PTPRD: variants seen among roughly 807,000 people sequenced by gnomAD.
The protein encoded by PTPRD is protein tyrosine phosphatase receptor type D.
A neutral mutation model predicts 214.5 loss-of-function variants in PTPRD; 34 were observed. That is an observed-to-expected ratio of 0.16 (90% CI 0.12 to 0.21). The LOEUF is 0.21. PTPRD is among the 10% of genes least tolerant of loss of function. The pLI is 1.00. For missense variants in PTPRD, 2,545 were observed against 2,398.7 expected, an observed-to-expected ratio of 1.06 and a Z score of -1.27; for synonymous variants, 1,128 against 845.7, an observed-to-expected ratio of 1.33 and a Z score of -5.79.
At chr9:10,265,756 G>C (rs919189539) in intron 3 of PTPRD, among the ~76,000 whole-genome samples, 14 of 152,188 alleles carry the variant, frequency 9.2e-5, no homozygotes, top group Non-Finnish European at 1.6e-4. Flanking sequence ...GCAACAGTTT[G>C]CTGACACTTG....
chr9:8,929,465 G>C (rs1230321464), intron 11 of PTPRD, among the ~76,000 whole-genome samples: 2 of 151,874 alleles, frequency 1.3e-5, no homozygotes, highest in Non-Finnish European at 2.9e-5. Context: ...TTTGGTCATT[G>C]GCTCTGTTTA....
At chr9:8,569,125 G>A (rs1040940436) in intron 14 of PTPRD, among the ~76,000 whole-genome samples, 4 of 152,032 alleles carry the variant, frequency 2.6e-5, no homozygotes, top group African/African-American at 4.8e-5. Context: ...AGCCTAGGGA[G>A]TTCATTTTAA....
intron 26 of PTPRD, among the ~76,000 whole-genome samples, chr9:8,496,211 A>ACAAAC (rs1554641959): frequency 1.3e-4 from 12 of 91,448 alleles, no homozygotes; most frequent in South Asian, 3.9e-4. Flanking sequence ...CACACACACA[A>ACAAAC]ACACACACAC....
intron 11 of PTPRD, among the ~76,000 whole-genome samples, chr9:8,791,331 T>C (rs995584438): frequency 2.5e-4 from 38 of 152,026 alleles, no homozygotes; most frequent in African/African-American, 9.2e-4. Flanking sequence ...GTTCAAGTGA[T>C]TCTCCTGCCT....
In PTPRD at chr9:9,196,678, G is replaced by T. The variant is rs144100919; in HGVS notation, c.-202-13315C>A. ...TGTTGTGAATATTACGTGAAATCAT[G>T]CATGCAAAACATCTAGCATATTTCC... On this transcript the variant is annotated intron_variant, in intron 9 of 45. Coordinates refer to ENST00000381196, the MANE Select transcript of PTPRD (RefSeq NM_002839.4). Among the ~76,000 whole-genome samples, 298 of 152,218 alleles carry T rather than the reference G, an allele frequency of 2.0e-3. 2 individuals carry two copies. Among genetic ancestry groups the T allele is most frequent in the African/African-American group, 6.6e-3 (274 of 41,542 alleles).
chr9:8,861,076 C>CTA (rs1046507620), intron 11 of PTPRD: 17 of 152,184 alleles, frequency 1.1e-4, no homozygotes, highest in African/African-American at 3.9e-4. Flanking sequence ...AGGAGCTTTG[C>CTA]TATAGCACTA....
intron 11 of PTPRD, among the ~76,000 whole-genome samples, chr9:8,784,509 G>C (rs2095860303): frequency 6.6e-6 from 1 of 152,178 alleles, no homozygotes; most frequent in South Asian, 2.1e-4. Flanking sequence ...GAACCTGAAA[G>C]ACAAGGCTAC....
At chr9:10,245,145 A>T (rs2091869426) in intron 3 of PTPRD, among the ~76,000 whole-genome samples, 1 of 152,132 alleles carries the variant, frequency 6.6e-6, no homozygotes, top group African/African-American at 2.4e-5. Context: ...AATGAAATTA[A>T]ATTTCATCAT....
chr9:8,527,040 CAT>C (rs372096310), intron 16 of PTPRD, among the ~76,000 whole-genome samples: 2 of 150,656 alleles, frequency 1.3e-5, no homozygotes, highest in African/African-American at 2.4e-5. Context: ...TATAGATATG[CAT>C]ATATATATAT....
chr9:9,090,162 C>A (rs1420395955), intron 10 of PTPRD, among the ~76,000 whole-genome samples: 1 of 152,044 alleles, frequency 6.6e-6, no homozygotes, highest in Non-Finnish European at 1.5e-5. Context: ...ACTGGAATTC[C>A]TATGTTGTAT....
intron 9 of PTPRD, among the ~76,000 whole-genome samples, chr9:9,250,159 TGAGTTGACATCCTTACACTTATA>T (rs1443756615): frequency 2.0e-5 from 3 of 152,020 alleles, no homozygotes; most frequent in Non-Finnish European, 4.4e-5. Context: ...GCCACAATGT[TGAGTTGACATCCTTACACTTATA>T]GAAGCTCCAG....
chr9:9,539,226 TGC>T (rs904591271), intron 8 of PTPRD, among the ~76,000 whole-genome samples: 5 of 151,870 alleles, frequency 3.3e-5, no homozygotes, highest in Non-Finnish European at 7.4e-5. Context: ...GCAGATGGGA[TGC>T]ACACTGAAGA....
At chr9:9,349,194 T>C (rs2050127729) in intron 9 of PTPRD, among the ~76,000 whole-genome samples, 1 of 152,132 alleles carries the variant, frequency 6.6e-6, no homozygotes, top group East Asian at 1.9e-4. Flanking sequence ...ATATTTCACT[T>C]AATAAATCTC....
intron 11 of PTPRD, among the ~76,000 whole-genome samples, chr9:8,876,915 T>A (rs1023991585): frequency 9.2e-5 from 14 of 151,818 alleles, no homozygotes; most frequent in African/African-American, 3.4e-4. Flanking sequence ...ACCACCCTGT[T>A]TTTCTTTTTT....
intron 34 of PTPRD, chr9:8,437,297 ATG>A: frequency 4.6e-6 from 6 of 1,309,064 alleles, no homozygotes; most frequent in Non-Finnish European, 6.2e-6. Context: ...TCAAAAAAAA[ATG>A]AAATGGAAAG....
intron 7 of PTPRD, among the ~76,000 whole-genome samples, chr9:9,621,911 T>G (rs1306239270): frequency 6.6e-6 from 1 of 152,156 alleles, no homozygotes; most frequent in Admixed American, 6.5e-5. Flanking sequence ...CTTGAAGGCT[T>G]CTAAAATCCC....
chr9:9,614,782 G>A (rs868061884), intron 7 of PTPRD, among the ~76,000 whole-genome samples: 1 of 152,156 alleles, frequency 6.6e-6, no homozygotes, highest in African/African-American at 2.4e-5. Context: ...TGAAAAAGCT[G>A]TAGAGCAGAA....
rs182077146 is a variant in PTPRD, at chr9:8,436,807, A to C, written c.3989-118T>G. The C allele has an allele frequency of 3.9e-6, 3 of 766,674 alleles. No individual in the cohort carries two copies. The East Asian group carries it at 8.1e-5, about 21-fold the overall frequency. 47.5% of individuals were successfully genotyped at this position (766,674 alleles called of 1,614,324 possible). On this transcript the variant is annotated intron_variant, in intron 34 of 45. Transcript: ENST00000381196. Reference sequence around the variant, plus strand: ...GCCTGAAAATATGTGAGTAGTAAAGATGTTTTAGGTGAGGAAGCAGGCAAA... The same window carrying C: ...GCCTGAAAATATGTGAGTAGTAAAGCTGTTTTAGGTGAGGAAGCAGGCAAA...
At chr9:9,697,023 T>A (rs1325308747) in intron 7 of PTPRD, among the ~76,000 whole-genome samples, 1 of 152,110 alleles carries the variant, frequency 6.6e-6, no homozygotes, top group African/African-American at 2.4e-5. Flanking sequence ...AGACAACTTA[T>A]CTGATCACAA....
Sources: allele counts gnomAD v4.1 joint callset (sites outside exome capture counted in the v4.1 genomes callset), GRCh38; gene constraint gnomAD v4.1.1; transcripts MANE v1.5; gene names NCBI Gene and HGNC (gene_info 2026-07-23, HGNC 2026-07-21).